Variants in CDC123 observed in about 807,000 individuals in gnomAD.
CDC123 encodes the protein cell division cycle 123.
A neutral mutation model predicts 54.4 loss-of-function variants in CDC123; 37 were observed. The ratio of observed to expected loss-of-function variants is 0.68; its 90% CI spans 0.52 to 0.89. The LOEUF is 0.89. CDC123 is among the 40% of genes least tolerant of loss of function. The pLI, the probability that CDC123 is intolerant of heterozygous loss-of-function variation, is 0.00. For missense variants in CDC123, 361 were observed against 412.1 expected, an observed-to-expected ratio of 0.88 and a Z score of 1.07; for synonymous variants, 144 against 136.8, an observed-to-expected ratio of 1.05 and a Z score of -0.37.
chr10:12,245,812 T>G (rs1836126184), intron 10 of CDC123: 1 of 192,404 alleles, frequency 5.2e-6, no homozygotes, highest in African/African-American at 2.3e-5. Flanking sequence ...GGCTTATGTC[T>G]GTAATCCCAG....
intron 6 of CDC123, among the ~76,000 whole-genome samples, chr10:12,218,460 C>T (rs1190536515): frequency 6.6e-6 from 1 of 151,930 alleles, no homozygotes; most frequent in Non-Finnish European, 1.5e-5. Context: ...AGGCTGGTCT[C>T]GAACTCCTGA....
intron 6 of CDC123, among the ~76,000 whole-genome samples, chr10:12,223,316 C>T (rs925492031): frequency 2.6e-5 from 4 of 152,066 alleles, no homozygotes; most frequent in East Asian, 1.9e-4. Flanking sequence ...GACAGAGTCT[C>T]GCTCTGTCAC....
chr10:12,250,408 T>C lies in CDC123; in HGVS notation c.*71T>C. 2.5e-6 allele frequency: 3 copies of C among 1,191,724 alleles called. No individual in the cohort carries two copies. Among genetic ancestry groups the C allele is most frequent in the Non-Finnish European group, 3.8e-6 (3 of 795,132 alleles). The allele number at this position is 1,191,724 out of a possible 1,614,324, so 73.8% of individuals were successfully genotyped here. ...CGGGAGCTGCTCATCAGCCGCAACTTCCTGCCGACCCTGATGCGGGTGGGC... is the reference window on the plus strand; with the variant it reads ...CGGGAGCTGCTCATCAGCCGCAACTCCCTGCCGACCCTGATGCGGGTGGGC... On this transcript the variant is annotated 3_prime_UTR_variant, in exon 13 of 13. Transcript: ENST00000281141.
chr10:12,221,679 G>T (rs984541001), intron 6 of CDC123, among the ~76,000 whole-genome samples: 2 of 150,908 alleles, frequency 1.3e-5, no homozygotes, highest in Admixed American at 1.3e-4. Flanking sequence ...AACATCGTAA[G>T]ATTTTTTTTG....
chr10:12,207,163 G>C (rs894897120), intron 2 of CDC123, among the ~76,000 whole-genome samples: 6 of 151,030 alleles, frequency 4.0e-5, no homozygotes, highest in Non-Finnish European at 7.4e-5. Context: ...CTATTATTTT[G>C]GTGTTTGATC....
intron 6 of CDC123, among the ~76,000 whole-genome samples, chr10:12,223,133 A>G (rs1835759767): frequency 6.6e-6 from 1 of 151,522 alleles, no homozygotes; most frequent in African/African-American, 2.4e-5. Flanking sequence ...TGACCTCATG[A>G]TCCGCCCACC....
intron 2 of CDC123, among the ~76,000 whole-genome samples, chr10:12,207,582 A>G (rs1348951136): frequency 6.6e-6 from 1 of 152,176 alleles, no homozygotes; most frequent in Non-Finnish European, 1.5e-5. Flanking sequence ...ACCTGGGTGG[A>G]GCTTGATGCC....
chr10:12,206,958 C>CAAA (rs35906839), intron 2 of CDC123, among the ~76,000 whole-genome samples: 25 of 100,898 alleles, frequency 2.5e-4, no homozygotes, highest in Non-Finnish European at 4.1e-4. Context: ...GACTCCATCT[C>CAAA]AAAAAAAAAA....
intron 11 of CDC123, 49 bp downstream of exon 11, chr10:12,246,326 A>G (rs1209053691): frequency 8.7e-6 from 14 of 1,601,002 alleles, no homozygotes; most frequent in Admixed American, 3.4e-5. Context: ...CAGTCTACTG[A>G]CTGACTGCTT....
At chr10:12,225,746 C>CTTTTTTTTTTTTTTT (rs60404885) in intron 6 of CDC123, among the ~76,000 whole-genome samples, 1 of 66,928 alleles carries the variant, frequency 1.5e-5, no homozygotes, top group African/African-American at 7.1e-5. Flanking sequence ...TAGCTTCTCT[C>CTTTTTTTTTTTTTTT]TTTTTTTTTT....
chr10:12,227,125 G>A (rs964379735), intron 6 of CDC123, among the ~76,000 whole-genome samples: 6 of 152,112 alleles, frequency 3.9e-5, no homozygotes, highest in Non-Finnish European at 5.9e-5. Flanking sequence ...GCGTGGCGGC[G>A]TGCGCCTGCA....
chr10:12,241,961 T>C (rs539213852), intron 10 of CDC123, among the ~76,000 whole-genome samples: 1 of 104,666 alleles, frequency 9.6e-6, no homozygotes, highest in South Asian at 3.2e-4. Context: ...AGTTCTGTTC[T>C]TCGGGTTCTT....
At chr10:12,222,914 C>CTTT (rs1835755996) in intron 6 of CDC123, among the ~76,000 whole-genome samples, 1 of 150,136 alleles carries the variant, frequency 6.7e-6, no homozygotes. Context: ...TTTTTTGAGA[C>CTTT]GGAGTCTCGC....
chr10:12,204,172 A>G (rs1289761221), intron 2 of CDC123, among the ~76,000 whole-genome samples: 1 of 151,932 alleles, frequency 6.6e-6, no homozygotes, highest in South Asian at 2.1e-4. Context: ...AGCTGGGGTC[A>G]TCCAGAAAGT....
At chr10:12,248,759 T>C (rs1372357322) in intron 11 of CDC123, among the ~76,000 whole-genome samples, 1 of 149,238 alleles carries the variant, frequency 6.7e-6, no homozygotes, top group Non-Finnish European at 1.5e-5. Flanking sequence ...TGAGCTGAGA[T>C]TGCTCCATTG....
At position 12,220,616 on chromosome 10, in the gene CDC123, C is replaced by T. The variant is rs893581660; in HGVS notation, c.440+3149C>T. Among the ~76,000 whole-genome samples the T allele has an allele frequency of 2.6e-5, 4 of 152,348 alleles. No homozygotes were observed. The East Asian group carries it at 7.7e-4, about 29-fold the overall frequency. ...TGCATAACAGGAAGTGTTGCCATCA[C>T]ATAAAAATTCCTTATTGATAGAACT... On this transcript the variant is annotated intron_variant, in intron 6 of 12. Coordinates refer to ENST00000281141, the MANE Select transcript of CDC123 (RefSeq NM_006023.3).
chr10:12,236,933 C>T lies in CDC123; in HGVS notation c.566-211C>T, dbSNP rs548732821. On this transcript the variant is annotated intron_variant, in intron 8 of 12. Transcript: ENST00000281141. Reference sequence around the variant, plus strand: ...AACAAAACAAAACAAAAAGTAAATTCTTCCAGAAGTAAGAAGACATGGCAA... The same window carrying T: ...AACAAAACAAAACAAAAAGTAAATTTTTCCAGAAGTAAGAAGACATGGCAA... Among the ~76,000 whole-genome samples the T allele has an allele frequency of 2.0e-4, 31 of 152,088 alleles. No individual in the cohort carries two copies. The South Asian group carries it at 6.0e-3, about 30-fold the overall frequency.
chr10:12,198,790 G>T lies in CDC123; in HGVS notation c.146+14G>T. ...GGTTTCAGGAAGGTAAAGTATTTTA[G>T]AAAAAAATTTCTTAAACTTTATCAT... On this transcript the variant is annotated intron_variant, in intron 2 of 12. Transcript: ENST00000281141. The T allele has an allele frequency of 6.9e-7, 1 of 1,451,170 alleles. No individual in the cohort carries two copies. Among genetic ancestry groups the T allele is most frequent in the South Asian group, 1.2e-5 (1 of 83,024 alleles). The allele number at this position is 1,451,170 out of a possible 1,614,324, so 89.9% of individuals were successfully genotyped here.
chr10:12,208,910 T>C (rs1444587655), intron 2 of CDC123, among the ~76,000 whole-genome samples: 1 of 152,186 alleles, frequency 6.6e-6, no homozygotes, highest in Non-Finnish European at 1.5e-5. Flanking sequence ...TGTGGTTCAG[T>C]CTAGATGCAG....
Sources: allele counts gnomAD v4.1 joint callset (sites outside exome capture counted in the v4.1 genomes callset), GRCh38; gene constraint gnomAD v4.1.1; transcripts MANE v1.5; gene names NCBI Gene and HGNC (gene_info 2026-07-23, HGNC 2026-07-21).